ALPL: variants seen among roughly 807,000 people sequenced by gnomAD.
ALPL encodes alkaline phosphatase, biomineralization associated.
A neutral mutation model predicts 51.3 loss-of-function variants in ALPL; 42 were observed. That is an observed-to-expected ratio of 0.82 (90% CI 0.64 to 1.06). The LOEUF (loss-of-function observed/expected upper bound fraction) is 1.06. Among genes scored for constraint, ALPL ranks in the 50% least tolerant of loss-of-function variants. ALPL has a pLI of 0.00. For missense variants in ALPL, 589 were observed against 709.4 expected (o/e 0.83, Z 1.93); for synonymous variants, 279 against 296.4 (o/e 0.94, Z 0.60).
chr1:21,524,960 G>GT (rs1643923185), intron 1 of ALPL, among the ~76,000 whole-genome samples: 1 of 152,224 alleles, frequency 6.6e-6, no homozygotes, highest in South Asian at 2.1e-4. Flanking sequence ...ACTCAGAAAC[G>GT]TAAGTGGGGG....
intron 1 of ALPL, among the ~76,000 whole-genome samples, chr1:21,552,837 G>A (rs536381703): frequency 1.4e-3 from 210 of 152,290 alleles, no homozygotes; most frequent in African/African-American, 4.7e-3. Flanking sequence ...GTGTATTACT[G>A]CTGTTTCCCA....
At chr1:21,553,765 A>T (rs1346819708) in intron 1 of ALPL, among the ~76,000 whole-genome samples, 1 of 152,196 alleles carries the variant, frequency 6.6e-6, no homozygotes, top group African/African-American at 2.4e-5. Flanking sequence ...TGCAGCATGG[A>T]ACTCATTGAC....
Position 21,536,818 on chromosome 1 carries a change from C to T in ALPL, c.-104-17160C>T, listed in dbSNP as rs1426795048. 1.3e-5 allele frequency among the ~76,000 whole-genome samples: 2 copies of T among 151,736 alleles called. 1 individual carries two copies. Among genetic ancestry groups the T allele is most frequent in the Non-Finnish European group, 2.9e-5 (2 of 67,980 alleles). Reference sequence around the variant, plus strand: ...AAAATGACAGTAGATGTCCACTCCACTCACCAGAGGGAGTGCAGTGGAGAG... The same window carrying T: ...AAAATGACAGTAGATGTCCACTCCATTCACCAGAGGGAGTGCAGTGGAGAG... On this transcript the variant is annotated intron_variant, in intron 1 of 11. Transcript: ENST00000374840.
At chr1:21,513,999 G>A (rs571444217) in intron 1 of ALPL, among the ~76,000 whole-genome samples, 4 of 152,226 alleles carry the variant, frequency 2.6e-5, no homozygotes, top group Non-Finnish European at 4.4e-5. Flanking sequence ...CCATGTAAGA[G>A]GGGCTCAAAT....
intron 9 of ALPL, 102 bp downstream of exon 9, chr1:21,573,901 G>C: frequency 6.4e-7 from 1 of 1,570,756 alleles, no homozygotes; most frequent in Non-Finnish European, 8.6e-7. Flanking sequence ...GTTTGGGGGT[G>C]AAGGGAGAGG....
At chr1:21,518,381 T>C (rs1643841156) in intron 1 of ALPL, among the ~76,000 whole-genome samples, 1 of 152,172 alleles carries the variant, frequency 6.6e-6, no homozygotes, top group Non-Finnish European at 1.5e-5. Context: ...ATTTAATCCT[T>C]ATACCAGCCC....
Position 21,509,523 on chromosome 1 carries a change from G to T in ALPL, c.-105+6G>T, listed in dbSNP as rs1018714500. The T allele has an allele frequency of 2.0e-5, 3 of 152,162 alleles. No individual in the cohort carries two copies. Among genetic ancestry groups the T allele is most frequent in the Non-Finnish European group, 2.9e-5 (2 of 68,030 alleles). The allele number at this position is 152,162 out of a possible 1,614,324, so 9.4% of individuals were successfully genotyped here. A position where few individuals can be genotyped will look rare whatever the true frequency, so the allele number is the denominator to read the frequency against. Reference sequence around the variant, plus strand: ...CTCGCCAGTGCTCTGCGCAGGTAAGGATTCGACGCTGCCCCGCGCCCTGGT... The same window carrying T: ...CTCGCCAGTGCTCTGCGCAGGTAAGTATTCGACGCTGCCCCGCGCCCTGGT... On this transcript the variant is annotated splice_donor_region_variant and intron_variant, in intron 1 of 11. Coordinates refer to ENST00000374840, the MANE Select transcript of ALPL (RefSeq NM_000478.6). This position sits in a 1 kb window ranked among gnomAD's most constrained non-coding sequence, Gnocchi z 6.0.
chr1:21,559,747 T>A (rs891035312), intron 2 of ALPL, among the ~76,000 whole-genome samples: 2 of 152,192 alleles, frequency 1.3e-5, no homozygotes, highest in Admixed American at 6.5e-5. Flanking sequence ...CGCGAACTCC[T>A]GAGCTCAGGT....
At chr1:21,554,918 C>G (rs1427808581) in intron 2 of ALPL, among the ~76,000 whole-genome samples, 1 of 140,242 alleles carries the variant, frequency 7.1e-6, no homozygotes, top group East Asian at 2.0e-4. Context: ...TCTTTTCTTT[C>G]TTTCTTTCTT....
intron 1 of ALPL, among the ~76,000 whole-genome samples, chr1:21,514,444 G>A (rs1643754258): frequency 6.6e-6 from 1 of 152,210 alleles, no homozygotes; most frequent in Non-Finnish European, 1.5e-5. Context: ...ACACGATCTT[G>A]CACTCTGAAC....
chr1:21,538,373 G>A (rs1054472403), intron 1 of ALPL, among the ~76,000 whole-genome samples: 3 of 152,318 alleles, frequency 2.0e-5, no homozygotes, highest in South Asian at 2.1e-4. Flanking sequence ...TTCTGTGGCC[G>A]GCTGGAGCGT....
intron 1 of ALPL, among the ~76,000 whole-genome samples, chr1:21,549,873 A>T (rs1644299137): frequency 6.6e-6 from 1 of 152,224 alleles, no homozygotes; most frequent in Admixed American, 6.5e-5. Context: ...TACACGATGG[A>T]ACCCGTAGGT....
intron 1 of ALPL, among the ~76,000 whole-genome samples, chr1:21,523,930 C>T (rs888886065): frequency 2.0e-5 from 3 of 151,404 alleles, no homozygotes; most frequent in Non-Finnish European, 2.9e-5. Context: ...TTAATTTGTT[C>T]ACTGATAATA....
chr1:21,570,071 G>C (rs1644624090), intron 7 of ALPL, among the ~76,000 whole-genome samples: 1 of 152,156 alleles, frequency 6.6e-6, no homozygotes, highest in African/African-American at 2.4e-5. Context: ...CTGGTCCTGT[G>C]TCTGGGCTCA....
At chr1:21,548,202 C>G (rs1312925538) in intron 1 of ALPL, among the ~76,000 whole-genome samples, 2 of 152,246 alleles carry the variant, frequency 1.3e-5, no homozygotes, top group African/African-American at 4.8e-5. Flanking sequence ...GGGGCCCCCA[C>G]AGCCCCAAAC....
rs1643805682 is a variant in ALPL, at chr1:21,516,607, C to T, written c.-105+7090C>T. 2.6e-5 allele frequency among the ~76,000 whole-genome samples: 4 copies of T among 152,302 alleles called. No individual in the cohort carries two copies. The South Asian group carries it at 8.3e-4, about 32-fold the overall frequency. ...TAGACATGTTTGTTCCCTGCGGTGACCCATCCATCCATTCAAGGCTACTGC... is the reference window on the plus strand; with the variant it reads ...TAGACATGTTTGTTCCCTGCGGTGATCCATCCATCCATTCAAGGCTACTGC... On this transcript the variant is annotated intron_variant, in intron 1 of 11. Coordinates refer to ENST00000374840, the MANE Select transcript of ALPL (RefSeq NM_000478.6).
Position 21,537,970 on chromosome 1 carries a change from T to C in ALPL, c.-104-16008T>C, listed in dbSNP as rs80229659. On this transcript the variant is annotated intron_variant, in intron 1 of 11. Coordinates refer to ENST00000374840, the MANE Select transcript of ALPL (RefSeq NM_000478.6). ...TGACCTTGGCCCAGTTCCTTGACTT[T>C]TCTGTACACTGGGAGCAATGAGGGC... 7.7e-3 allele frequency among the ~76,000 whole-genome samples: 1,179 copies of C among 152,276 alleles called. 8 individuals are homozygous for C. The highest frequency in any genetic ancestry group is 0.026 in the African/African-American group (1,087 of 41,544).
rs1558530154 is a variant in ALPL at position 21,527,028 on chromosome 1, CTTTT to C, written c.-105+17512_-105+17515del. 1.3e-3 allele frequency among the ~76,000 whole-genome samples: 201 copies of C among 150,268 alleles called. 1 individual carries two copies. Among genetic ancestry groups the C allele is most frequent in the African/African-American group, 4.8e-3 (197 of 41,232 alleles). ...TATGTTATTCTTGTTCTTTTCTTTT[CTTTT>C]CTTTTCTTTTCTTTCTTGAGATGGA... On this transcript the variant is annotated intron_variant, in intron 1 of 11. Coordinates refer to ENST00000374840, the MANE Select transcript of ALPL (RefSeq NM_000478.6).
chr1:21,510,991 A>G (rs1205049205), intron 1 of ALPL, among the ~76,000 whole-genome samples: 1 of 152,236 alleles, frequency 6.6e-6, no homozygotes, highest in Non-Finnish European at 1.5e-5. Context: ...GCCCATTTGT[A>G]AAAAGGGGTG....
Sources: gnomAD v4.1 joint callset for allele counts (sites outside exome capture counted in the v4.1 genomes callset) on GRCh38, gnomAD v4.1.1 for gene constraint, Gnocchi (gnomAD v3.1) non-coding constraint, MANE v1.5 for transcripts, NCBI Gene and HGNC (gene_info 2026-07-23, HGNC 2026-07-21) for gene names.